CPQ: variants seen among roughly 807,000 people sequenced by gnomAD.
CPQ encodes carboxypeptidase Q.
Under a neutral mutation model 45.7 loss-of-function variants are expected in CPQ, and 37 were observed. That is an observed-to-expected ratio of 0.81 (90% confidence interval 0.62 to 1.07). CPQ has a LOEUF of 1.07. CPQ is among the 50% of genes least tolerant of loss of function. CPQ has a pLI of 0.00. For missense variants in CPQ, 537 were observed against 572.9 expected, an observed-to-expected ratio of 0.94 and a Z score of 0.64; for synonymous variants, 186 against 205.8, an observed-to-expected ratio of 0.90 and a Z score of 0.82.
intron 1 of CPQ, among the ~76,000 whole-genome samples, chr8:96,679,089 G>T (rs993157650): frequency 6.6e-6 from 1 of 151,942 alleles, no homozygotes; most frequent in Non-Finnish European, 1.5e-5. Context: ...TGTATATGTA[G>T]TAGGGGTCTA....
At chr8:96,926,628 CCTT>C (rs1812892874) in intron 4 of CPQ, among the ~76,000 whole-genome samples, 2 of 57,058 alleles carry the variant, frequency 3.5e-5, no homozygotes, top group Non-Finnish European at 6.6e-5. Flanking sequence ...TTCTTCTCCT[CCTT>C]CTCCTTCTTC....
At chr8:96,793,185 G>A (rs1810872666) in intron 2 of CPQ, among the ~76,000 whole-genome samples, 1 of 152,114 alleles carries the variant, frequency 6.6e-6, no homozygotes, top group Non-Finnish European at 1.5e-5. Context: ...GCTTATTATA[G>A]AAAGCATGTA....
chr8:97,065,987 A>C (rs766714573), intron 6 of CPQ, 22 bp from the exon 7 acceptor site: 1 of 1,608,590 alleles, frequency 6.2e-7, no homozygotes, highest in East Asian at 2.2e-5. Context: ...ATAAGAACCA[A>C]ACAATTTTCT....
intron 1 of CPQ, among the ~76,000 whole-genome samples, chr8:96,651,404 A>G (rs989758205): frequency 2.0e-5 from 3 of 152,374 alleles, no homozygotes; most frequent in Middle Eastern, 3.4e-3. Context: ...AGACTGTTAT[A>G]TTAGACCCAG....
chr8:97,015,351 T>C (rs1328272909), intron 5 of CPQ, among the ~76,000 whole-genome samples: 2 of 152,042 alleles, frequency 1.3e-5, no homozygotes, highest in Non-Finnish European at 2.9e-5. Flanking sequence ...TTGTGATTCC[T>C]ACATGATACT....
intron 6 of CPQ, among the ~76,000 whole-genome samples, chr8:97,058,726 G>A (rs2130517191): frequency 6.6e-6 from 1 of 152,260 alleles, no homozygotes; most frequent in African/African-American, 2.4e-5. Flanking sequence ...CGTGAAACCA[G>A]TAGCATGAAA....
chr8:97,101,860 C>T (rs1469299047), intron 7 of CPQ, among the ~76,000 whole-genome samples: 2 of 151,518 alleles, frequency 1.3e-5, no homozygotes, highest in African/African-American at 2.4e-5. Flanking sequence ...TCCCTTCCCA[C>T]GTGTTGCTTT....
intron 5 of CPQ, among the ~76,000 whole-genome samples, chr8:96,992,030 T>C (rs1809102655): frequency 6.6e-6 from 1 of 152,196 alleles, no homozygotes; most frequent in Non-Finnish European, 1.5e-5. Context: ...ATGGCTTTGA[T>C]CTTACACAGA....
chr8:96,765,780 T>A (rs1298822386), intron 1 of CPQ, among the ~76,000 whole-genome samples: 1 of 152,184 alleles, frequency 6.6e-6, no homozygotes, highest in Non-Finnish European at 1.5e-5. Context: ...AACAGCGGAT[T>A]CTTAATTCTG....
intron 4 of CPQ, among the ~76,000 whole-genome samples, chr8:96,902,510 C>T (rs1171844139): frequency 6.6e-6 from 1 of 152,124 alleles, no homozygotes; most frequent in Non-Finnish European, 1.5e-5. Flanking sequence ...GATGAAAGAC[C>T]AGGACTGGTT....
intron 1 of CPQ, among the ~76,000 whole-genome samples, chr8:96,719,384 G>A (rs1017017267): frequency 2.0e-5 from 3 of 152,178 alleles, no homozygotes; most frequent in Non-Finnish European, 2.9e-5. Flanking sequence ...CTCCAAGTGC[G>A]GGCCCGCCAA....
chr8:96,726,443 G>A (rs920145941), intron 1 of CPQ, among the ~76,000 whole-genome samples: 4 of 152,052 alleles, frequency 2.6e-5, no homozygotes, highest in Non-Finnish European at 4.4e-5. Flanking sequence ...CTCTACAGGA[G>A]GCATGATGCT....
At chr8:96,672,721 T>C (rs1020386844) in intron 1 of CPQ, among the ~76,000 whole-genome samples, 3 of 152,048 alleles carry the variant, frequency 2.0e-5, no homozygotes, top group Non-Finnish European at 4.4e-5. Flanking sequence ...GAGGCTGCAG[T>C]GAGCTGAGCT....
At chr8:96,916,719 C>G (rs550984866) in intron 4 of CPQ, among the ~76,000 whole-genome samples, 212 of 152,078 alleles carry the variant, frequency 1.4e-3, no homozygotes, top group Middle Eastern at 0.014. Context: ...TACAGGGTAC[C>G]ACACTACATT....
chr8:96,745,998 T>A (rs991492347), intron 1 of CPQ, among the ~76,000 whole-genome samples: 1 of 152,182 alleles, frequency 6.6e-6, no homozygotes, highest in African/African-American at 2.4e-5. Context: ...GCTTAACAAA[T>A]GCATGATTTT....
intron 1 of CPQ, among the ~76,000 whole-genome samples, chr8:96,769,087 A>C (rs182847491): frequency 6.6e-6 from 1 of 152,294 alleles, no homozygotes; most frequent in East Asian, 1.9e-4. Flanking sequence ...CATCTGATTC[A>C]AGGAAGCCTA....
At chr8:96,875,768 GTTTTGTTTA>G (rs1370107670) in intron 3 of CPQ, among the ~76,000 whole-genome samples, 1 of 151,434 alleles carries the variant, frequency 6.6e-6, no homozygotes, top group Non-Finnish European at 1.5e-5. Flanking sequence ...ATTCTAACTT[GTTTTGTTTA>G]TTTTGAATGA....
intron 1 of CPQ, among the ~76,000 whole-genome samples, chr8:96,758,811 T>C (rs1443926786): frequency 3.9e-5 from 6 of 152,168 alleles, no homozygotes; most frequent in Admixed American, 3.9e-4. Context: ...CCTCCCAGTC[T>C]TTTTATGTCC....
chr8:96,933,462 A>G lies in CPQ; in HGVS notation c.850-32473A>G, dbSNP rs911977896. Among the ~76,000 whole-genome samples, 5 of 152,274 alleles carry G rather than the reference A, an allele frequency of 3.3e-5. 1 individual carries two copies. Among genetic ancestry groups the G allele is most frequent in the South Asian group, 4.1e-4 (2 of 4,828 alleles). On this transcript the variant is annotated intron_variant, in intron 4 of 7. Coordinates refer to ENST00000220763, the MANE Select transcript of CPQ (RefSeq NM_016134.4). ...CTTTGTCACCCTCATTCATTCAACA[A>G]TTGTTTACTGAACAAGTAATTGACA...
Sources: gnomAD v4.1 joint callset for allele counts (sites outside exome capture counted in the v4.1 genomes callset) on GRCh38, gnomAD v4.1.1 for gene constraint, MANE v1.5 for transcripts, NCBI Gene and HGNC (gene_info 2026-07-23, HGNC 2026-07-21) for gene names.